MACROD2: variants seen among roughly 807,000 people sequenced by gnomAD.
MACROD2 encodes ADP-ribose glycohydrolase MACROD2.
MACROD2 carries 36 observed loss-of-function variants against 70.4 expected under a neutral mutation model. The ratio of observed to expected loss-of-function variants is 0.51; its 90% CI spans 0.39 to 0.68. The LOEUF (loss-of-function observed/expected upper bound fraction) is 0.68. Among genes scored for constraint, MACROD2 ranks in the 30% least tolerant of loss-of-function variants. The pLI, the probability that MACROD2 is intolerant of heterozygous loss-of-function variation, is 0.00. For missense variants in MACROD2, 496 were observed against 538.4 expected (o/e 0.92, Z 0.78); for synonymous variants, 172 against 178.8 (o/e 0.96, Z 0.30).
chr20:15,373,138 A>G (rs780679046), intron 6 of MACROD2, among the ~76,000 whole-genome samples: 46 of 152,162 alleles, frequency 3.0e-4, no homozygotes, highest in Non-Finnish European at 2.1e-4. Context: ...AAATGTTTCT[A>G]TACCTACTTA....
chr20:14,351,924 G>A (rs1005025829), intron 3 of MACROD2, among the ~76,000 whole-genome samples: 1 of 152,096 alleles, frequency 6.6e-6, no homozygotes. Flanking sequence ...ATTTGAGGGT[G>A]TTTATCATGA....
At chr20:14,070,340 TG>T (rs2053821447) in intron 2 of MACROD2, among the ~76,000 whole-genome samples, 4 of 151,990 alleles carry the variant, frequency 2.6e-5, no homozygotes, top group Admixed American at 2.0e-4. Context: ...TGTGTGTGTG[TG>T]TGTAATCTAG....
chr20:16,005,571 T>G (rs1256310437), intron 15 of MACROD2, among the ~76,000 whole-genome samples: 1 of 152,208 alleles, frequency 6.6e-6, no homozygotes, highest in Non-Finnish European at 1.5e-5. Context: ...AGTACAGAGG[T>G]TGTTCTGAAA....
chr20:15,922,032 C>T (rs2065416761), intron 10 of MACROD2, among the ~76,000 whole-genome samples: 2 of 152,212 alleles, frequency 1.3e-5, no homozygotes, highest in South Asian at 4.1e-4. Flanking sequence ...ATTAACTCCC[C>T]AGCACCTCAG....
intron 3 of MACROD2, among the ~76,000 whole-genome samples, chr20:14,484,363 G>A (rs1344580548): frequency 2.0e-5 from 3 of 152,000 alleles, no homozygotes; most frequent in East Asian, 3.9e-4. Context: ...TTTGATACAG[G>A]CATGCAGTGT....
chr20:15,551,555 T>C (rs954141171), intron 8 of MACROD2, among the ~76,000 whole-genome samples: 19 of 152,174 alleles, frequency 1.2e-4, no homozygotes, highest in African/African-American at 4.3e-4. Context: ...TGCCTTACAT[T>C]TCTACTCACA....
chr20:14,461,425 C>T (rs967126923), intron 3 of MACROD2, among the ~76,000 whole-genome samples: 1 of 151,582 alleles, frequency 6.6e-6, no homozygotes, highest in African/African-American at 2.4e-5. Context: ...TCTTTCTCTC[C>T]TTCAGTTCTG....
rs2082675913 is a variant in MACROD2 at position 14,322,724 on chromosome 20, G to A, written c.272-170755G>A. On this transcript the variant is annotated intron_variant, in intron 3 of 17. Coordinates refer to ENST00000684519, the MANE Select transcript of MACROD2 (RefSeq NM_001351661.2). The stretch of plus-strand genomic sequence containing the variant: ...CCTTGTCAGTAGAGGAGTAAAAGGA[G>A]CAGTATCTAGTAAAACTTGGGAACA... 3.9e-5 allele frequency among the ~76,000 whole-genome samples: 6 copies of A among 152,218 alleles called. No individual in the cohort carries two copies. The South Asian group carries it at 1.2e-3, about 32-fold the overall frequency.
chr20:14,805,468 G>A (rs1048781507), intron 5 of MACROD2, among the ~76,000 whole-genome samples: 8 of 152,032 alleles, frequency 5.3e-5, no homozygotes, highest in African/African-American at 1.7e-4. Context: ...CATATTAAAA[G>A]TAGTCTGTTC....
intron 1 of MACROD2, among the ~76,000 whole-genome samples, chr20:14,001,695 A>T (rs2052734956): frequency 6.6e-6 from 1 of 152,132 alleles, no homozygotes; most frequent in Non-Finnish European, 1.5e-5. Flanking sequence ...GGCCTCAGGG[A>T]GCTTTTACTT....
intron 12 of MACROD2, among the ~76,000 whole-genome samples, chr20:15,940,607 A>G (rs2065737865): frequency 6.6e-6 from 1 of 152,220 alleles, no homozygotes; most frequent in Non-Finnish European, 1.5e-5. Context: ...ATCAACATTG[A>G]GGCAAGACCC....
chr20:14,274,289 T>G (rs1355496493), intron 3 of MACROD2, among the ~76,000 whole-genome samples: 1 of 152,172 alleles, frequency 6.6e-6, no homozygotes, highest in Non-Finnish European at 1.5e-5. Flanking sequence ...TCAAAAAGCT[T>G]ATCCACCATG....
intron 8 of MACROD2, among the ~76,000 whole-genome samples, chr20:15,728,129 A>G (rs966187786): frequency 2.6e-4 from 40 of 152,180 alleles, no homozygotes; most frequent in Non-Finnish European, 2.9e-5. Context: ...GAATTTATCA[A>G]AAGCCTTTTT....
In MACROD2 at chr20:14,497,264, A is replaced by G. The variant is rs1045057053; in HGVS notation, c.301+3756A>G. ...CTCTTGGATTGCTGCCCAGATTCATATACTTTTTTGTGCATTTGAGATTCA... is the reference window on the plus strand; with the variant it reads ...CTCTTGGATTGCTGCCCAGATTCATGTACTTTTTTGTGCATTTGAGATTCA... On this transcript the variant is annotated intron_variant, in intron 4 of 17. Transcript: ENST00000684519. 2.0e-5 allele frequency among the ~76,000 whole-genome samples: 3 copies of G among 151,768 alleles called. 1 individual carries two copies. The highest frequency in any genetic ancestry group is 7.3e-5 in the African/African-American group (3 of 41,034).
intron 8 of MACROD2, among the ~76,000 whole-genome samples, chr20:15,504,113 A>T (rs993176943): frequency 6.6e-6 from 1 of 152,178 alleles, no homozygotes; most frequent in Non-Finnish European, 1.5e-5. Flanking sequence ...TTAATTTCAT[A>T]AATCACCGCC....
chr20:15,805,351 G>A (rs2063759696), intron 8 of MACROD2, among the ~76,000 whole-genome samples: 1 of 152,166 alleles, frequency 6.6e-6, no homozygotes, highest in African/African-American at 2.4e-5. Flanking sequence ...TCAAGGGGAG[G>A]GGTGTGGCTG....
intron 6 of MACROD2, among the ~76,000 whole-genome samples, chr20:15,311,734 G>A (rs182618572): frequency 4.6e-5 from 7 of 152,184 alleles, no homozygotes; most frequent in Admixed American, 6.5e-5. Flanking sequence ...GCTAAATATC[G>A]AGTACTCACA....
intron 3 of MACROD2, among the ~76,000 whole-genome samples, chr20:14,215,337 TACACACACACACAC>T (rs199684417): frequency 3.1e-4 from 40 of 131,090 alleles, no homozygotes; most frequent in African/African-American, 6.6e-4. Context: ...CCATCATATA[TACACACACACACAC>T]ACACACACAC....
intron 6 of MACROD2, among the ~76,000 whole-genome samples, chr20:15,416,036 G>T (rs1489718289): frequency 4.6e-5 from 7 of 152,288 alleles, no homozygotes; most frequent in South Asian, 2.1e-4. Context: ...GTGGTTGCTG[G>T]TTGGATTAAT....
Sources: gnomAD v4.1 joint callset for allele counts (sites outside exome capture counted in the v4.1 genomes callset) on GRCh38, gnomAD v4.1.1 for gene constraint, MANE v1.5 for transcripts, NCBI Gene and HGNC (gene_info 2026-07-23, HGNC 2026-07-21) for gene names.